TMPRSS9: variants seen among roughly 807,000 people sequenced by gnomAD.
TMPRSS9 encodes transmembrane serine protease 9.
TMPRSS9 carries 113 observed loss-of-function variants against 111.4 expected under a neutral mutation model. The ratio of observed to expected loss-of-function variants is 1.01; its 90% CI spans 0.87 to 1.19. TMPRSS9 has a LOEUF of 1.19. TMPRSS9 is among the 50% of genes most tolerant of loss of function. TMPRSS9 has a pLI of 0.00. For missense variants in TMPRSS9, 1,803 were observed against 1,513.1 expected (o/e 1.19, Z -3.18); for synonymous variants, 805 against 659.1 (o/e 1.22, Z -3.39).
chr19:2,399,482 A>AG (rs1185915223), intron 4 of TMPRSS9, among the ~76,000 whole-genome samples: 2 of 152,200 alleles, frequency 1.3e-5, no homozygotes, highest in African/African-American at 4.8e-5. Context: ...AGGCTGAGGC[A>AG]GGAGAACTGC....
At chr19:2,379,724 T>TC (rs1568170929) in intron 1 of TMPRSS9, among the ~76,000 whole-genome samples, 15 of 149,824 alleles carry the variant, frequency 1.0e-4, no homozygotes, top group African/African-American at 3.5e-4. Context: ...CTTCCTCTTT[T>TC]TCTCTTTCTC....
chr19:2,370,378 G>A lies in TMPRSS9; in HGVS notation c.-26+10018G>A, dbSNP rs78355613. On this transcript the variant is annotated intron_variant, in intron 1 of 17. Coordinates refer to the TMPRSS9 transcript ENST00000649857. Reference sequence around the variant, plus strand: ...GGAGCTTGCAGTGAGCCAAGATCACGCCACTGCACTCCAGCCTGGGTGATA... The same window carrying A: ...GGAGCTTGCAGTGAGCCAAGATCACACCACTGCACTCCAGCCTGGGTGATA... Among the ~76,000 whole-genome samples the A allele has an allele frequency of 3.5e-3, 498 of 143,604 alleles. 19 individuals are homozygous for A. The East Asian group carries it at 0.095, about 27-fold the overall frequency. 94.2% of individuals were successfully genotyped at this position (143,604 alleles called of 152,430 possible).
chr19:2,411,305 A>C (rs1242176302), intron 9 of TMPRSS9, among the ~76,000 whole-genome samples: 24 of 53,534 alleles, frequency 4.5e-4, no homozygotes, highest in African/African-American at 2.5e-3. Context: ...GTCTCAAAAA[A>C]AAAAAAAAAA....
intron 1 of TMPRSS9, among the ~76,000 whole-genome samples, chr19:2,373,750 T>C (rs1970308942): frequency 6.6e-6 from 1 of 152,248 alleles, no homozygotes; most frequent in Non-Finnish European, 1.5e-5. Flanking sequence ...TCCACCCGCC[T>C]CAGCCTCTTA....
chr19:2,379,242 G>A (rs1360064179), intron 1 of TMPRSS9, among the ~76,000 whole-genome samples: 1 of 139,526 alleles, frequency 7.2e-6, no homozygotes, highest in African/African-American at 2.7e-5. Flanking sequence ...CTGGAGTGCA[G>A]TGGCACAATC....
At chr19:2,362,595 CAT>C (rs1014470358) in intron 1 of TMPRSS9, among the ~76,000 whole-genome samples, 3 of 152,008 alleles carry the variant, frequency 2.0e-5, no homozygotes, top group Non-Finnish European at 4.4e-5. Flanking sequence ...TGTGTGATTG[CAT>C]ATGATTGTGG....
chr19:2,384,235 CTGAGGCGGAGGGGAGGCAA>C (rs1970426487), intron 1 of TMPRSS9, among the ~76,000 whole-genome samples: 1 of 152,184 alleles, frequency 6.6e-6, no homozygotes, highest in African/African-American at 2.4e-5. Flanking sequence ...CCCAGGGGAG[CTGAGGCGGAGGGGAGGCAA>C]TGAGATCCAC....
intron 13 of TMPRSS9, among the ~76,000 whole-genome samples, chr19:2,419,320 C>A (rs147978799): frequency 0.05 from 7,491 of 149,750 alleles, 200 homozygotes; most frequent in African/African-American, 0.068. Flanking sequence ...TCTCCTGCCT[C>A]AGCCTCCCGA....
chr19:2,388,157 C>A (rs1970514469), upstream of TMPRSS9, among the ~76,000 whole-genome samples: 1 of 151,956 alleles, frequency 6.6e-6, no homozygotes, highest in African/African-American at 2.4e-5. Context: ...TTTGGGAGGC[C>A]CAGGTGGGAG....
chr19:2,410,357 G>A (rs895118969), exon 9 of TMPRSS9: 2 of 1,614,034 alleles, frequency 1.2e-6, no homozygotes, highest in East Asian at 2.2e-5. Flanking sequence ...AGGATGGTGT[G>A]CGCTGGCTAC....
chr19:2,407,249 T>C (rs369932219), intron 7 of TMPRSS9, among the ~76,000 whole-genome samples: 1 of 151,900 alleles, frequency 6.6e-6, no homozygotes, highest in African/African-American at 2.4e-5. Context: ...TATAGTGAGC[T>C]TGTGGCTCAT....
At chr19:2,367,630 C>T (rs1234212282) in intron 1 of TMPRSS9, among the ~76,000 whole-genome samples, 2 of 148,518 alleles carry the variant, frequency 1.3e-5, no homozygotes, top group East Asian at 4.0e-4. Context: ...GTGGCACGAT[C>T]TCAGCTCACT....
rs1365686939 is a variant in TMPRSS9, at chr19:2,364,098, C to T, written c.-26+3738C>T. On this transcript the variant is annotated intron_variant, in intron 1 of 17. Coordinates refer to the TMPRSS9 transcript ENST00000649857. The stretch of plus-strand genomic sequence containing the variant: ...TCAGGAGGCTGAGATGGGAGGATCG[C>T]TTGAGCCCGGGAGTTGGAGGCTGCA... Among the ~76,000 whole-genome samples the T allele has an allele frequency of 3.9e-5, 6 of 152,044 alleles. No individual in the cohort carries two copies. The East Asian group carries it at 9.6e-4, about 24-fold the overall frequency.
intron 14 of TMPRSS9, among the ~76,000 whole-genome samples, chr19:2,423,480 G>A (rs1265045476): frequency 8.3e-5 from 11 of 132,558 alleles, no homozygotes; most frequent in Non-Finnish European, 1.6e-4. Context: ...GGGGCGGGGG[G>A]GACCCAGGGA....
At chr19:2,379,670 T>TTTCTTTCTTTCC (rs1568170884) in intron 1 of TMPRSS9, among the ~76,000 whole-genome samples, 6 of 149,090 alleles carry the variant, frequency 4.0e-5, no homozygotes, top group African/African-American at 1.3e-4. Context: ...TCTTTCTTTC[T>TTTCTTTCTTTCC]TTCTTTCTCT....
At chr19:2,411,744 G>T (rs1003258580) in intron 9 of TMPRSS9, among the ~76,000 whole-genome samples, 1 of 152,096 alleles carries the variant, frequency 6.6e-6, no homozygotes, top group Admixed American at 6.6e-5. Flanking sequence ...TAAAGACAGG[G>T]TTTCGCCATG....
chr19:2,387,504 AGAAAGGAAAGGAAAG>A (rs1274371738), upstream of TMPRSS9, among the ~76,000 whole-genome samples: 1 of 151,132 alleles, frequency 6.6e-6, no homozygotes, highest in Non-Finnish European at 1.5e-5. Flanking sequence ...TCAATAGAAA[AGAAAGGAAAGGAAAG>A]GAAAGGAAGG....
intron 5 of TMPRSS9, 101 bp from the exon 7 acceptor site, chr19:2,402,981 C>T (rs1970883638): frequency 1.2e-6 from 1 of 819,668 alleles, no homozygotes; most frequent in Admixed American, 2.2e-5. Context: ...GAGAGAGTTT[C>T]CACATTTCCG....
intron 1 of TMPRSS9, among the ~76,000 whole-genome samples, chr19:2,394,754 A>G (rs1444399628): frequency 6.6e-6 from 1 of 150,982 alleles, no homozygotes; most frequent in African/African-American, 2.4e-5. Flanking sequence ...CGCGGTTGCT[A>G]TTTGCATGGT....
Sources: allele counts gnomAD v4.1 joint callset (sites outside exome capture counted in the v4.1 genomes callset), GRCh38; gene constraint gnomAD v4.1.1; transcripts MANE v1.5; gene names NCBI Gene and HGNC (gene_info 2026-07-23, HGNC 2026-07-21).